Variants in PDIA4 observed in about 807,000 individuals in gnomAD.
PDIA4 encodes the protein protein disulfide isomerase family A member 4.
PDIA4 carries 33 observed loss-of-function variants against 62.1 expected under a neutral mutation model. That is an observed-to-expected ratio of 0.53 (90% CI 0.40 to 0.71). PDIA4 has a LOEUF of 0.71. PDIA4 is among the 30% of genes least tolerant of loss of function. PDIA4 has a pLI of 0.00. For synonymous variants in PDIA4, 341 were observed against 324.1 expected, an observed-to-expected ratio of 1.05 and a Z score of -0.56; for missense variants, 804 against 813.6, an observed-to-expected ratio of 0.99 and a Z score of 0.14.
rs149176513 is a variant in PDIA4, at chr7:149,011,762, T to A, written c.979+84A>T. ...TCATCAAACCACCCCCTAATGGATG[T>A]CCCAGGAGCTTTCTGAAAAACCAGG... On this transcript the variant is annotated intron_variant, in intron 6 of 9. Coordinates refer to ENST00000652332, the MANE Select transcript of PDIA4 (RefSeq NM_004911.5). 6.6e-4 allele frequency: 756 copies of A among 1,145,044 alleles called. 6 individuals carry two copies. In the East Asian group the frequency reaches 0.017, roughly 26 times the overall value. 70.9% of individuals were successfully genotyped at this position (1,145,044 alleles called of 1,614,324 possible).
chr7:149,021,861 G>A (rs1268579157), intron 1 of PDIA4, among the ~76,000 whole-genome samples: 2 of 152,080 alleles, frequency 1.3e-5, no homozygotes, highest in Non-Finnish European at 2.9e-5. Context: ...GTCTTCCCGG[G>A]CCTCGCTCCT....
chr7:149,022,018 C>A (rs996416577), intron 1 of PDIA4, among the ~76,000 whole-genome samples: 1 of 152,316 alleles, frequency 6.6e-6, no homozygotes, highest in East Asian at 1.9e-4. Context: ...ACAGGCAGGG[C>A]CTTCAGTAAC....
chr7:149,028,451 T>G lies in PDIA4; in HGVS notation c.-43A>C. The G allele has an allele frequency of 5.3e-6, 7 of 1,317,502 alleles. No individual in the cohort carries two copies. Among genetic ancestry groups the G allele is most frequent in the Non-Finnish European group, 7.1e-6 (7 of 989,806 alleles). The allele number at this position is 1,317,502 out of a possible 1,614,324, so 81.6% of individuals were successfully genotyped here. A position where few individuals can be genotyped will look rare whatever the true frequency, so the allele number is the denominator to read the frequency against. Reference sequence around the variant, plus strand: ...GCGGCCTCCTAGCGTCGGCGGCCGCTGAGCGCACCGAGAACTCGGGGTCTG... The same window carrying G: ...GCGGCCTCCTAGCGTCGGCGGCCGCGGAGCGCACCGAGAACTCGGGGTCTG... On this transcript the variant is annotated 5_prime_UTR_variant, in exon 1 of 10. Transcript: ENST00000652332.
chr7:149,014,760 A>C, intron 4 of PDIA4, 144 bp downstream of exon 4: 2 of 705,966 alleles, frequency 2.8e-6, no homozygotes, highest in Non-Finnish European at 4.8e-6. Context: ...CGCTTCTTCC[A>C]GAAGACCTGG....
rs763615397 is a variant in PDIA4, at chr7:149,003,814, T to G, written c.1918A>C (p.Arg640=). The G allele has an allele frequency of 1.9e-6, 3 of 1,567,924 alleles. No homozygotes were observed. Among genetic ancestry groups the G allele is most frequent in the Non-Finnish European group, 2.6e-6 (3 of 1,156,552 alleles). The change falls in exon 10 of 10, where the codon AGG becomes CGG. Residue 640 remains arginine, a synonymous_variant. Coordinates refer to ENST00000652332, the MANE Select transcript of PDIA4 (RefSeq NM_004911.5). ...GGCCTTCAAAGCTCTTCCTTGGTCC[T>G]GCTCAGTTTTGTGGCATGTTCTTCT... The part of the protein sequence containing the change: ...FIEEHATKLS[R]TKEEL
At chr7:149,013,457 G>A (rs192640804) in intron 4 of PDIA4, among the ~76,000 whole-genome samples, 3 of 151,792 alleles carry the variant, frequency 2.0e-5, no homozygotes, top group Admixed American at 1.3e-4. Flanking sequence ...CGGGAGGGTC[G>A]CTTGAGGCCA....
chr7:149,011,752 C>A lies in PDIA4; in HGVS notation c.979+94G>T, dbSNP rs1276535435. ...CAGAGATGGCTCATCAAACCACCCCCTAATGGATGTCCCAGGAGCTTTCTG... is the reference window on the plus strand; with the variant it reads ...CAGAGATGGCTCATCAAACCACCCCATAATGGATGTCCCAGGAGCTTTCTG... On this transcript the variant is annotated intron_variant, in intron 6 of 9. Transcript: ENST00000652332. 4 of 1,052,604 alleles carry A rather than the reference C, an allele frequency of 3.8e-6. No individual in the cohort carries two copies. The African/African-American group carries it at 6.4e-5, about 17-fold the overall frequency. The allele number at this position is 1,052,604 out of a possible 1,614,324, so 65.2% of individuals were successfully genotyped here.
chr7:149,008,356 T>C (rs1290523078), intron 6 of PDIA4, 46 bp from the exon 7 acceptor site: 4 of 1,576,218 alleles, frequency 2.5e-6, no homozygotes, highest in South Asian at 2.3e-5. Context: ...ATTGCCTAAA[T>C]GTCTGAGATT....
At chr7:149,027,787 G>A (rs902183471) in intron 1 of PDIA4, 1 of 459,822 alleles carries the variant, frequency 2.2e-6, no homozygotes, top group Admixed American at 2.4e-5. Flanking sequence ...TTTCTCAAAG[G>A]TGCAAACCAA....
rs769339244 is a variant in PDIA4, at chr7:149,012,156, A to G, written c.819T>C (p.Tyr273=). The change falls in exon 5 of 10, where the codon TAT becomes TAC. Residue 273 remains tyrosine (Y), a splice_region_variant and synonymous_variant. Coordinates refer to ENST00000652332, the MANE Select transcript of PDIA4 (RefSeq NM_004911.5). ...TGGGAGAGAAGGGAGTGGCCATACC[A>G]TATTTTTCTCGTGGGCCGTTGTAGT... is the stretch of plus-strand genomic sequence containing the variant. ...PYDYNGPREK[Y]GIVDYMIEQS... The G allele has an allele frequency of 1.9e-6, 3 of 1,613,742 alleles. No individual in the cohort carries two copies. The highest frequency in any genetic ancestry group is 1.1e-5 in the South Asian group (1 of 91,042).
chr7:149,015,661 G>A (rs1302655949), intron 3 of PDIA4, among the ~76,000 whole-genome samples: 1 of 152,164 alleles, frequency 6.6e-6, no homozygotes, highest in Non-Finnish European at 1.5e-5. Context: ...TACAAAAAAT[G>A]TGCCAAGCAG....
chr7:149,021,488 C>CAAAAAAAA (rs34989074), intron 1 of PDIA4, among the ~76,000 whole-genome samples: 3 of 64,896 alleles, frequency 4.6e-5, no homozygotes, highest in African/African-American at 1.8e-4. Flanking sequence ...CACTTCATCT[C>CAAAAAAAA]AAAAAAAAAA....
chr7:149,016,660 T>C (rs1824149772), intron 3 of PDIA4, among the ~76,000 whole-genome samples: 1 of 152,088 alleles, frequency 6.6e-6, no homozygotes, highest in Admixed American at 6.6e-5. Flanking sequence ...ACCAGCCACC[T>C]GCCACCACAT....
chr7:149,015,254 C>T (rs773034271), intron 3 of PDIA4, among the ~76,000 whole-genome samples: 20 of 152,082 alleles, frequency 1.3e-4, no homozygotes, highest in Non-Finnish European at 2.8e-4. Flanking sequence ...AATTGTCCAT[C>T]GCATTTCCAC....
At chr7:149,020,938 A>G in intron 2 of PDIA4, 29 bp downstream of exon 2, 1 of 1,610,006 alleles carries the variant, frequency 6.2e-7, no homozygotes, top group Non-Finnish European at 8.5e-7. Context: ...GCGCTTGTCC[A>G]CCTGCAGAAA....
chr7:149,024,751 G>A (rs897347904), intron 1 of PDIA4, among the ~76,000 whole-genome samples: 1 of 150,594 alleles, frequency 6.6e-6, no homozygotes, highest in Non-Finnish European at 1.5e-5. Flanking sequence ...AGGAGGTGGA[G>A]GTTGCAGTGA....
chr7:149,003,556 A>T lies in PDIA4; in HGVS notation c.*238T>A, dbSNP rs569030856. ...AGAAGGTGTAAAAAAAAATTTTTCA[A>T]ACCCCAAATAATGATAAAAATAGAT... is the stretch of plus-strand genomic sequence containing the variant. On this transcript the variant is annotated 3_prime_UTR_variant, in exon 10 of 10. Coordinates refer to ENST00000652332, the MANE Select transcript of PDIA4 (RefSeq NM_004911.5). The T allele has an allele frequency of 2.7e-6, 1 of 376,506 alleles. No individual in the cohort carries two copies. The highest frequency in any genetic ancestry group is 2.1e-5 in the African/African-American group (1 of 48,242). The allele number at this position is 376,506 out of a possible 1,614,324, so 23.3% of individuals were successfully genotyped here.
rs1446845210 is a variant in PDIA4 at position 149,028,501 on chromosome 7, G to A, written c.-93C>T. 2 of 877,236 alleles carry A rather than the reference G, an allele frequency of 2.3e-6. No homozygotes were observed. The highest frequency in any genetic ancestry group is 1.9e-5 in the South Asian group (1 of 52,304). The allele number at this position is 877,236 out of a possible 1,614,324, so 54.3% of individuals were successfully genotyped here. A position where few individuals can be genotyped will look rare whatever the true frequency, so the allele number is the denominator to read the frequency against. ...GGCCGACAGCCCGTCGCTCCTTAGC[G>A]ACGCGGGGGAGCCGGAAAAACCCAC... is the stretch of plus-strand genomic sequence containing the variant. On this transcript the variant is annotated 5_prime_UTR_variant, in exon 1 of 10. Coordinates refer to ENST00000652332, the MANE Select transcript of PDIA4 (RefSeq NM_004911.5).
chr7:149,005,090 A>C lies in PDIA4; in HGVS notation c.1522+51T>G, dbSNP rs749892400. Reference sequence around the variant, plus strand: ...CGCCCCTGGCCTGTCTGGATTCCGCACGAGGAGCACAGCAGCTGATGGGAG... The same window carrying C: ...CGCCCCTGGCCTGTCTGGATTCCGCCCGAGGAGCACAGCAGCTGATGGGAG... On this transcript the variant is annotated intron_variant, in intron 9 of 9. Transcript: ENST00000652332. 7.6e-5 allele frequency: 110 copies of C among 1,444,728 alleles called. 1 individual carries two copies. The Admixed American group carries it at 1.8e-3, about 24-fold the overall frequency. 89.5% of individuals were successfully genotyped at this position (1,444,728 alleles called of 1,614,324 possible).
Sources: gnomAD v4.1 joint callset for allele counts (sites outside exome capture counted in the v4.1 genomes callset) on GRCh38, gnomAD v4.1.1 for gene constraint, MANE v1.5 for transcripts, NCBI Gene and HGNC (gene_info 2026-07-23, HGNC 2026-07-21) for gene names.